The following PLXNA1 variants were observed in gnomAD, a reference collection of about 807,000 sequenced individuals.
PLXNA1 encodes the protein plexin A1.
A neutral mutation model predicts 191.7 loss-of-function variants in PLXNA1; 77 were observed. That is an observed-to-expected ratio of 0.40 (90% CI 0.33 to 0.49). The LOEUF (loss-of-function observed/expected upper bound fraction) is 0.49. Ranked by LOEUF, PLXNA1 falls within the 20% of genes least tolerant of loss-of-function variation. PLXNA1 has a pLI of 0.63. For synonymous variants in PLXNA1, 1,137 were observed against 1,156.4 expected, an observed-to-expected ratio of 0.98 and a Z score of 0.34; for missense variants, 2,110 against 2,660.2, an observed-to-expected ratio of 0.79 and a Z score of 4.55.
intron 15 of PLXNA1, among the ~76,000 whole-genome samples, 174 bp downstream of exon 15, chr3:127,015,494 G>T (rs1033303668): frequency 1.3e-5 from 2 of 152,234 alleles, no homozygotes; most frequent in Non-Finnish European, 2.9e-5. Context: ...AGAGTGGTAG[G>T]ACTGGGCGGT....
In PLXNA1 at chr3:127,035,437, C is replaced by T. The variant is rs544087026; in HGVS notation, c.*1420C>T. On this transcript the variant is annotated 3_prime_UTR_variant, in exon 32 of 32. Transcript: ENST00000393409. The stretch of plus-strand genomic sequence containing the variant: ...AGCCTGTGCCCCCCGACCTGCGGGC[C>T]GCTGTTTTGGTTTGACATGACAAGG... 2.6e-5 allele frequency: 4 copies of T among 152,398 alleles called. No individual in the cohort carries two copies. Among genetic ancestry groups the T allele is most frequent in the East Asian group, 1.9e-4 (1 of 5,156 alleles). 9.4% of individuals were successfully genotyped at this position (152,398 alleles called of 1,614,324 possible).
At chr3:127,000,796 G>C (rs997991925) in intron 3 of PLXNA1, among the ~76,000 whole-genome samples, 1 of 152,238 alleles carries the variant, frequency 6.6e-6, no homozygotes, top group Non-Finnish European at 1.5e-5. Context: ...GGGCCCTGCT[G>C]AGTCTGGACC....
Position 127,035,753 on chromosome 3 carries a change from G to A in PLXNA1, c.*1736G>A, listed in dbSNP as rs571632183. ...GCCCCATGTCCTTGGCCAGGCCCAA[G>A]GAGAGGACTCGGCCCCATGGGGTGT... is the stretch of plus-strand genomic sequence containing the variant. On this transcript the variant is annotated 3_prime_UTR_variant, in exon 32 of 32. Transcript: ENST00000393409. 5 of 152,532 alleles carry A rather than the reference G, an allele frequency of 3.3e-5. No individual in the cohort carries two copies. In the East Asian group the frequency reaches 7.7e-4, roughly 24 times the overall value. The allele number at this position is 152,532 out of a possible 1,614,324, so 9.4% of individuals were successfully genotyped here.
At chr3:126,994,504 A>T (rs980424689) in intron 3 of PLXNA1, among the ~76,000 whole-genome samples, 2 of 149,964 alleles carry the variant, frequency 1.3e-5, no homozygotes, top group Non-Finnish European at 3.0e-5. Flanking sequence ...AGGGGCCAGG[A>T]GGAGGAGATC....
chr3:127,019,417 G>A (rs1213318962), intron 20 of PLXNA1, among the ~76,000 whole-genome samples: 1 of 152,146 alleles, frequency 6.6e-6, no homozygotes, highest in Non-Finnish European at 1.5e-5. Flanking sequence ...TGTGTGTTGG[G>A]GCCAGGTGGG....
At chr3:127,022,631 C>A (rs908209505) in intron 22 of PLXNA1, 121 bp from the exon 23 acceptor site, 6 of 978,124 alleles carry the variant, frequency 6.1e-6, no homozygotes, top group Non-Finnish European at 9.6e-6. Context: ...CGAGACCTGA[C>A]CTTCGGTGCT....
chr3:126,993,916 G>A (rs752836178), intron 3 of PLXNA1, among the ~76,000 whole-genome samples: 8 of 152,204 alleles, frequency 5.3e-5, no homozygotes, highest in Non-Finnish European at 1.0e-4. Context: ...GAACCTCAAC[G>A]TCATGCAAAT....
intron 16 of PLXNA1, 73 bp downstream of exon 16, chr3:127,016,757 G>T: frequency 6.5e-7 from 1 of 1,546,436 alleles, no homozygotes; most frequent in Non-Finnish European, 8.9e-7. Flanking sequence ...TCTTCCACTG[G>T]GCACTTGGCG....
chr3:127,018,011 G>T (rs2079133421), intron 19 of PLXNA1, 119 bp downstream of exon 19: 3 of 1,379,308 alleles, frequency 2.2e-6, no homozygotes, highest in Admixed American at 4.2e-5. Context: ...CTCAGAGGGC[G>T]CCCGGCTCCA....
intron 9 of PLXNA1, among the ~76,000 whole-genome samples, chr3:127,008,184 G>A (rs1028585413): frequency 1.4e-4 from 22 of 152,208 alleles, no homozygotes; most frequent in Non-Finnish European, 3.1e-4. Flanking sequence ...TCAGGGAGGG[G>A]GAAAAGCCTC....
At chr3:127,023,629 G>A (rs772534423) in intron 23 of PLXNA1, among the ~76,000 whole-genome samples, 7 of 152,226 alleles carry the variant, frequency 4.6e-5, no homozygotes, top group Non-Finnish European at 1.0e-4. Context: ...GGAATCCAGG[G>A]ATGGCACCTC....
intron 3 of PLXNA1, among the ~76,000 whole-genome samples, chr3:126,995,811 A>G (rs188022429): frequency 5.9e-5 from 9 of 152,294 alleles, no homozygotes; most frequent in Admixed American, 6.5e-5. Context: ...GTGAAGCCCC[A>G]TCCTCTGGGG....
At chr3:127,000,109 G>A (rs1251226753) in intron 3 of PLXNA1, among the ~76,000 whole-genome samples, 2 of 151,832 alleles carry the variant, frequency 1.3e-5, no homozygotes, top group African/African-American at 4.8e-5. Context: ...TCTCAAGCAG[G>A]GGGCGGCATG....
chr3:126,996,672 C>T (rs925715431), intron 3 of PLXNA1, among the ~76,000 whole-genome samples: 2 of 152,182 alleles, frequency 1.3e-5, no homozygotes, highest in South Asian at 2.1e-4. Flanking sequence ...GCCCCTTAGC[C>T]GTGGAGAGGC....
rs761841913 is a variant in PLXNA1 at position 127,007,880 on chromosome 3, C to T, written c.2079C>T (p.Cys693=). ...RHVCTHNVAD[C]AFLEGRVNVS... ...TGTGCACACACAACGTGGCTGACTGCGCCTTCCTGGAGGGCCGTGTCAACG... is the reference window on the plus strand; with the variant it reads ...TGTGCACACACAACGTGGCTGACTGTGCCTTCCTGGAGGGCCGTGTCAACG... The change falls in exon 9 of 32, where the codon TGC becomes TGT. Residue 693 remains cysteine (C), a synonymous_variant. Coordinates refer to ENST00000393409, the MANE Select transcript of PLXNA1 (RefSeq NM_032242.4). 9.1e-5 allele frequency: 146 copies of T among 1,611,322 alleles called. 2 individuals are homozygous for T. In the Middle Eastern group the frequency reaches 2.6e-3, roughly 29 times the overall value.
chr3:127,010,602 G>A (rs763695532), intron 9 of PLXNA1, among the ~76,000 whole-genome samples: 3 of 152,130 alleles, frequency 2.0e-5, no homozygotes, highest in Non-Finnish European at 2.9e-5. Flanking sequence ...GGGCAGGCAG[G>A]TAGGGGCCAG....
At chr3:127,030,579 A>C (rs2079204432) in intron 29 of PLXNA1, among the ~76,000 whole-genome samples, 167 bp downstream of exon 29, 1 of 152,138 alleles carries the variant, frequency 6.6e-6, no homozygotes, top group East Asian at 1.9e-4. Flanking sequence ...GGCCTTCCCT[A>C]TCTGCCTGTG....
intron 10 of PLXNA1, 44 bp downstream of exon 10, chr3:127,012,202 G>A (rs1303469615): frequency 2.5e-6 from 4 of 1,587,254 alleles, no homozygotes; most frequent in Non-Finnish European, 3.4e-6. Context: ...AGCCGGAATG[G>A]GCCGGTTATC....
chr3:127,021,495 C>G (rs1158396363), intron 21 of PLXNA1, among the ~76,000 whole-genome samples: 1 of 152,178 alleles, frequency 6.6e-6, no homozygotes, highest in Non-Finnish European at 1.5e-5. Flanking sequence ...TGCCTCTACT[C>G]CACTCCTTTT....
Sources: allele counts gnomAD v4.1 joint callset (sites outside exome capture counted in the v4.1 genomes callset), GRCh38; gene constraint gnomAD v4.1.1; transcripts MANE v1.5; gene names NCBI Gene and HGNC (gene_info 2026-07-23, HGNC 2026-07-21).